LDLRAD3: variants seen among roughly 807,000 people sequenced by gnomAD.
LDLRAD3 encodes low density lipoprotein receptor class A domain containing 3.
LDLRAD3 carries 20 observed loss-of-function variants against 29.4 expected under a neutral mutation model. The observed-to-expected ratio is 0.68, with a 90% CI of 0.48 to 0.99. LDLRAD3 has a LOEUF of 0.99. Among genes scored for constraint, LDLRAD3 ranks in the 50% least tolerant of loss-of-function variants. The pLI, the probability that LDLRAD3 is intolerant of heterozygous loss-of-function variation, is 0.00. For missense variants in LDLRAD3, 420 were observed against 454.3 expected, an observed-to-expected ratio of 0.92 and a Z score of 0.69; for synonymous variants, 157 against 192.7, an observed-to-expected ratio of 0.81 and a Z score of 1.53.
intron 4 of LDLRAD3, among the ~76,000 whole-genome samples, chr11:36,127,966 G>A (rs1211472604): frequency 6.6e-6 from 1 of 151,590 alleles, no homozygotes; most frequent in East Asian, 1.9e-4. Flanking sequence ...TATATGTTGG[G>A]AATTTCTCCA....
At chr11:36,126,460 G>A (rs1177058283) in intron 4 of LDLRAD3, among the ~76,000 whole-genome samples, 1 of 152,118 alleles carries the variant, frequency 6.6e-6, no homozygotes, top group Non-Finnish European at 1.5e-5. Flanking sequence ...CAAGACCCCT[G>A]CCAGCCCCAT....
At chr11:36,125,538 T>C (rs1264585780) in intron 4 of LDLRAD3, among the ~76,000 whole-genome samples, 2 of 152,192 alleles carry the variant, frequency 1.3e-5, no homozygotes, top group African/African-American at 4.8e-5. Flanking sequence ...GTTGAATGGA[T>C]GAATGAATTT....
intron 4 of LDLRAD3, among the ~76,000 whole-genome samples, chr11:36,124,690 CTT>C (rs771578777): frequency 7.0e-5 from 10 of 143,018 alleles, no homozygotes; most frequent in Non-Finnish European, 4.6e-5. Context: ...CTTTTCCTTT[CTT>C]TTTTTTTTTT....
At chr11:36,188,371 CAAAAAAAAAAAAAA>C (rs57049829) in intron 4 of LDLRAD3, among the ~76,000 whole-genome samples, 1,646 of 62,092 alleles carry the variant, frequency 0.027, 53 homozygotes, top group African/African-American at 0.083. Context: ...GGAAAACCAG[CAAAAAAAAAAAAAA>C]AAAAAAAAAA....
At chr11:36,142,257 A>G (rs1854096997) in intron 4 of LDLRAD3, among the ~76,000 whole-genome samples, 1 of 152,208 alleles carries the variant, frequency 6.6e-6, no homozygotes, top group Non-Finnish European at 1.5e-5. Context: ...ATGAAAGGGT[A>G]GACTGCAGTC....
At chr11:36,054,209 C>G (rs1206045067) in intron 2 of LDLRAD3, among the ~76,000 whole-genome samples, 1 of 152,172 alleles carries the variant, frequency 6.6e-6, no homozygotes, top group African/African-American at 2.4e-5. Flanking sequence ...TTTGTGTCAT[C>G]ACTTAATTTG....
At chr11:36,075,021 G>C (rs1223759579) in intron 2 of LDLRAD3, among the ~76,000 whole-genome samples, 2 of 152,136 alleles carry the variant, frequency 1.3e-5, no homozygotes, top group African/African-American at 4.8e-5. Context: ...TTACCCAACT[G>C]TTAATGGTGG....
intron 2 of LDLRAD3, among the ~76,000 whole-genome samples, chr11:36,052,391 C>A (rs73452632): frequency 0.049 from 7,486 of 152,170 alleles, 477 homozygotes; most frequent in African/African-American, 0.15. Flanking sequence ...TTTATCTGAG[C>A]CAGAAATGAA....
At chr11:36,078,658 C>A (rs1853057977) in intron 2 of LDLRAD3, among the ~76,000 whole-genome samples, 1 of 152,202 alleles carries the variant, frequency 6.6e-6, no homozygotes, top group Non-Finnish European at 1.5e-5. Context: ...TGGCTGCAGC[C>A]ATGCCCAGAA....
At chr11:36,118,406 C>T (rs1304969010) in intron 4 of LDLRAD3, among the ~76,000 whole-genome samples, 2 of 151,940 alleles carry the variant, frequency 1.3e-5, no homozygotes, top group African/African-American at 2.4e-5. Context: ...TAGAGGGAAA[C>T]GTCTGCATGG....
intron 1 of LDLRAD3, chr11:35,972,676 T>C (rs922618323): frequency 9.2e-5 from 14 of 152,216 alleles, no homozygotes; most frequent in African/African-American, 3.1e-4. Context: ...CCATGCATCC[T>C]ATTCTACAAA....
At position 36,231,372 on chromosome 11, in the gene LDLRAD3, T is replaced by G. The variant is rs1855574003; in HGVS notation, c.*1975T>G. ...TATCTTTCATTTTTAAAATAGCACT[T>G]GAGTTATTTTCTGAGTAATCCAATA... is the stretch of plus-strand genomic sequence containing the variant. On this transcript the variant is annotated 3_prime_UTR_variant, in exon 6 of 6. Transcript: ENST00000315571. 1 of 152,158 alleles carries G rather than the reference T, an allele frequency of 6.6e-6. No individual in the cohort carries two copies. The highest frequency in any genetic ancestry group is 2.4e-5 in the African/African-American group (1 of 41,438). The allele number at this position is 152,158 out of a possible 1,614,324, so 9.4% of individuals were successfully genotyped here.
intron 2 of LDLRAD3, among the ~76,000 whole-genome samples, chr11:36,072,336 A>G (rs779717327): frequency 2.0e-5 from 3 of 152,130 alleles, no homozygotes; most frequent in Non-Finnish European, 4.4e-5. Context: ...GCTCTTTTGT[A>G]TGATTGCTGC....
chr11:35,996,952 T>C (rs1590715217), intron 1 of LDLRAD3, among the ~76,000 whole-genome samples: 1 of 152,166 alleles, frequency 6.6e-6, no homozygotes, highest in Non-Finnish European at 1.5e-5. Context: ...GGGTTAACCA[T>C]GTACCTTTGG....
At chr11:36,175,202 CT>C (rs1177278807) in intron 4 of LDLRAD3, among the ~76,000 whole-genome samples, 8 of 151,990 alleles carry the variant, frequency 5.3e-5, no homozygotes, top group African/African-American at 1.9e-4. Context: ...GAGCTCTCTT[CT>C]TTTTTTTGGT....
At chr11:36,008,113 A>G (rs1397853374) in intron 1 of LDLRAD3, among the ~76,000 whole-genome samples, 1 of 152,204 alleles carries the variant, frequency 6.6e-6, no homozygotes, top group East Asian at 1.9e-4. Context: ...GCTCCGGCAC[A>G]TGGAGAATAC....
intron 4 of LDLRAD3, among the ~76,000 whole-genome samples, chr11:36,189,245 G>T (rs945551773): frequency 1.3e-5 from 2 of 152,234 alleles, no homozygotes; most frequent in East Asian, 3.9e-4. Context: ...CAACACTTTG[G>T]GAGGCTGAGG....
intron 1 of LDLRAD3, among the ~76,000 whole-genome samples, chr11:36,012,353 A>G (rs1473563570): frequency 2.6e-5 from 4 of 152,166 alleles, no homozygotes; most frequent in Non-Finnish European, 5.9e-5. Flanking sequence ...ACAGATAGAA[A>G]ATTTTTTCTC....
chr11:36,102,707 AC>A (rs1219610485), intron 4 of LDLRAD3, among the ~76,000 whole-genome samples: 2 of 152,142 alleles, frequency 1.3e-5, no homozygotes, highest in Non-Finnish European at 2.9e-5. Flanking sequence ...TGGCAACATA[AC>A]CCATTTCCAA....
Sources: gnomAD v4.1 joint callset for allele counts (sites outside exome capture counted in the v4.1 genomes callset) on GRCh38, gnomAD v4.1.1 for gene constraint, MANE v1.5 for transcripts, NCBI Gene and HGNC (gene_info 2026-07-23, HGNC 2026-07-21) for gene names.